DERA: variants seen among roughly 807,000 people sequenced by gnomAD.
DERA encodes 2-deoxy-D-ribose 5-phosphate aldolase.
Under a neutral mutation model 41.1 loss-of-function variants are expected in DERA, and 15 were observed. The ratio of observed to expected loss-of-function variants is 0.37; its 90% CI spans 0.24 to 0.56. DERA has a LOEUF of 0.56. Among genes scored for constraint, DERA ranks in the 20% least tolerant of loss-of-function variants. The pLI is 0.81. For synonymous variants in DERA, 139 were observed against 137.4 expected (o/e 1.01, Z -0.08); for missense variants, 396 against 403.4 (o/e 0.98, Z 0.16).
At position 16,020,099 on chromosome 12, in the gene DERA, C is replaced by A. The variant is rs1949008501; in HGVS notation, c.638-12443C>A. 6.6e-6 allele frequency among the ~76,000 whole-genome samples: 1 copy of A among 152,142 alleles called. No individual in the cohort carries two copies. Among genetic ancestry groups the A allele is most frequent in the Non-Finnish European group, 1.5e-5 (1 of 68,016 alleles). On this transcript the variant is annotated intron_variant, in intron 6 of 8. Coordinates refer to ENST00000428559, the MANE Select transcript of DERA (RefSeq NM_015954.4). This position sits in a 1 kb window ranked among gnomAD's most constrained non-coding sequence, Gnocchi z 5.5. ...CCCAGGAGCCTCTCTAGGAGCAGAT[C>A]CAAGCACCACACTTACTGTACAGTC... is the stretch of plus-strand genomic sequence containing the variant.
At chr12:15,923,258 G>A (rs1565584228) in intron 1 of DERA, among the ~76,000 whole-genome samples, 1 of 151,716 alleles carries the variant, frequency 6.6e-6, no homozygotes, top group African/African-American at 2.4e-5. Flanking sequence ...TCCTGACCTC[G>A]TGATCCGCCC....
intron 6 of DERA, among the ~76,000 whole-genome samples, chr12:16,024,460 T>G (rs1213261116): frequency 1.3e-5 from 2 of 152,190 alleles, no homozygotes; most frequent in African/African-American, 4.8e-5. Flanking sequence ...GACTTCTCAT[T>G]GGAAAACATG....
At position 16,019,425 on chromosome 12, in the gene DERA, T is replaced by C. The variant is rs1029659240; in HGVS notation, c.638-13117T>C. 1.2e-4 allele frequency among the ~76,000 whole-genome samples: 19 copies of C among 152,214 alleles called. 1 individual carries two copies. Among genetic ancestry groups the C allele is most frequent in the Admixed American group, 9.2e-4 (14 of 15,276 alleles). ...GATTTCATGTGATCAGACCTCACAT[T>C]ACCTAAAGAACAGAGCCCAATGTCT... On this transcript the variant is annotated intron_variant, in intron 6 of 8. Coordinates refer to ENST00000428559, the MANE Select transcript of DERA (RefSeq NM_015954.4). This position sits in a 1 kb window ranked among gnomAD's most constrained non-coding sequence, Gnocchi z 4.4.
rs908260668 is a variant in DERA at position 15,965,570 on chromosome 12, T to C, written c.508+2623T>C. Among the ~76,000 whole-genome samples the C allele has an allele frequency of 6.6e-6, 1 of 152,152 alleles. No homozygotes were observed. The highest frequency in any genetic ancestry group is 2.1e-4 in the South Asian group (1 of 4,828). On this transcript the variant is annotated intron_variant, in intron 5 of 8. Coordinates refer to ENST00000428559, the MANE Select transcript of DERA (RefSeq NM_015954.4). This position sits in a 1 kb window ranked among gnomAD's most constrained non-coding sequence, Gnocchi z 4.1. ...TCAGAGTGGTCTTAACCATTTCTCATGGATGTGAGAGTCCACAGTTTAGGG... is the reference window on the plus strand; with the variant it reads ...TCAGAGTGGTCTTAACCATTTCTCACGGATGTGAGAGTCCACAGTTTAGGG...
At chr12:15,958,458 G>T in intron 3 of DERA, 123 bp downstream of exon 3, 1 of 634,756 alleles carries the variant, frequency 1.6e-6, no homozygotes, top group Non-Finnish European at 2.4e-6. Flanking sequence ...AGAAACTCTT[G>T]CTGTGTATAC....
rs1555152729 is a variant in DERA, at chr12:15,960,207, T to TATATAC, written c.373+284_373+285insTATACA. 3.4e-3 allele frequency among the ~76,000 whole-genome samples: 497 copies of TATATAC among 145,538 alleles called. 3 individuals carry two copies. The highest frequency in any genetic ancestry group is 0.012 in the African/African-American group (474 of 39,858). ...GCATGACATATAGTATATATATATATACACACACACACACACACATATACA... is the reference window on the plus strand; with the variant it reads ...GCATGACATATAGTATATATATATATATATACACACACACACACACACACATATACA... On this transcript the variant is annotated intron_variant, in intron 4 of 8. Coordinates refer to ENST00000428559, the MANE Select transcript of DERA (RefSeq NM_015954.4).
rs1949134168 is a variant in DERA, at chr12:16,037,051, GA to G, written c.*312del. 2.8e-5 allele frequency: 8 copies of G among 286,602 alleles called. 1 individual carries two copies. In the South Asian group the frequency reaches 3.1e-4, roughly 11 times the overall value. The allele number at this position is 286,602 out of a possible 1,614,324, so 17.8% of individuals were successfully genotyped here. On this transcript the variant is annotated 3_prime_UTR_variant, in exon 9 of 9. Transcript: ENST00000428559. The surrounding 1 kb of genome is among the most constrained non-coding windows in gnomAD (Gnocchi z 6.7). ...TTTGATAACATCAAATTCTAAGGGA[GA>G]AAAAAACAATATTAAACCGCCCAAG...
At chr12:16,005,926 G>A (rs1483962729) in intron 6 of DERA, among the ~76,000 whole-genome samples, 1 of 152,124 alleles carries the variant, frequency 6.6e-6, no homozygotes, top group Non-Finnish European at 1.5e-5. Flanking sequence ...AGGTATAAGT[G>A]GTCAATTTTA....
chr12:16,011,964 G>A lies in DERA; in HGVS notation c.638-20578G>A, dbSNP rs1176979298. ...CTAAAAAACAGAGGATAATGTGATAGAGACAGATAAAGAATTTTTCTAAAT... is the reference window on the plus strand; with the variant it reads ...CTAAAAAACAGAGGATAATGTGATAAAGACAGATAAAGAATTTTTCTAAAT... On this transcript the variant is annotated intron_variant, in intron 6 of 8. Coordinates refer to ENST00000428559, the MANE Select transcript of DERA (RefSeq NM_015954.4). The surrounding 1 kb of genome is among the most constrained non-coding windows in gnomAD (Gnocchi z 4.7). Among the ~76,000 whole-genome samples the A allele has an allele frequency of 1.3e-5, 2 of 152,098 alleles. No homozygotes were observed. Among genetic ancestry groups the A allele is most frequent in the Non-Finnish European group, 2.9e-5 (2 of 68,020 alleles).
intron 1 of DERA, among the ~76,000 whole-genome samples, chr12:15,956,190 G>A (rs1428814568): frequency 6.6e-6 from 1 of 152,194 alleles, no homozygotes; most frequent in Admixed American, 6.5e-5. Flanking sequence ...TGTTAGCTCT[G>A]TCTGGGGAGC....
rs563489734 is a variant in DERA at position 15,980,798 on chromosome 12, G to A, written c.509-1510G>A. ...CTTTCTAAACTTACTGAGCATCTTG[G>A]AATAGAATATTTGCTTTCATTTCTC... is the stretch of plus-strand genomic sequence containing the variant. On this transcript the variant is annotated intron_variant, in intron 5 of 8. Coordinates refer to ENST00000428559, the MANE Select transcript of DERA (RefSeq NM_015954.4). Among the ~76,000 whole-genome samples the A allele has an allele frequency of 7.2e-5, 11 of 152,228 alleles. No individual in the cohort carries two copies. In the South Asian group the frequency reaches 8.3e-4, roughly 11 times the overall value.
In DERA at chr12:15,970,783, A is replaced by T. The variant is rs1458317642; in HGVS notation, c.508+7836A>T. Among the ~76,000 whole-genome samples, 1 of 152,232 alleles carries T rather than the reference A, an allele frequency of 6.6e-6. No homozygotes were observed. The highest frequency in any genetic ancestry group is 1.5e-5 in the Non-Finnish European group (1 of 68,034). On this transcript the variant is annotated intron_variant, in intron 5 of 8. Coordinates refer to ENST00000428559, the MANE Select transcript of DERA (RefSeq NM_015954.4). This position sits in a 1 kb window ranked among gnomAD's most constrained non-coding sequence, Gnocchi z 4.3. ...CATGTTGTTTTCAGAGGTTGACACC[A>T]AACTACCAAGTAGATATTTATCCTT...
At chr12:15,926,742 G>GAAAAAAAAAAAAAAAAAAAAA (rs71051274) in intron 1 of DERA, among the ~76,000 whole-genome samples, 2 of 120,484 alleles carry the variant, frequency 1.7e-5, no homozygotes, top group Non-Finnish European at 1.6e-5. Context: ...GTCTCAAAAA[G>GAAAAAAAAAAAAAAAAAAAAA]AAAAAAAAAA....
rs1436600942 is a variant in DERA, at chr12:16,012,808, C to T, written c.638-19734C>T. 6.6e-6 allele frequency among the ~76,000 whole-genome samples: 1 copy of T among 151,976 alleles called. No individual in the cohort carries two copies. The highest frequency in any genetic ancestry group is 1.5e-5 in the Non-Finnish European group (1 of 68,028). On this transcript the variant is annotated intron_variant, in intron 6 of 8. Coordinates refer to ENST00000428559, the MANE Select transcript of DERA (RefSeq NM_015954.4). The surrounding 1 kb of genome is among the most constrained non-coding windows in gnomAD (Gnocchi z 4.1). The stretch of plus-strand genomic sequence containing the variant: ...ATTTAATTTAAAAATTTTTAATAAC[C>T]ACATTAATTAAATGAAGAGAAACAG...
In DERA at chr12:16,020,478, A is replaced by G. The variant is rs183125610; in HGVS notation, c.638-12064A>G. ...GACACAGACCTAAACCATATCACTC[A>G]GCCTCAGATATTCCTTTGTAGCAAT... is the stretch of plus-strand genomic sequence containing the variant. On this transcript the variant is annotated intron_variant, in intron 6 of 8. Coordinates refer to ENST00000428559, the MANE Select transcript of DERA (RefSeq NM_015954.4). This position sits in a 1 kb window ranked among gnomAD's most constrained non-coding sequence, Gnocchi z 5.5. Among the ~76,000 whole-genome samples, 1 of 152,340 alleles carries G rather than the reference A, an allele frequency of 6.6e-6. No homozygotes were observed. Among genetic ancestry groups the G allele is most frequent in the African/African-American group, 2.4e-5 (1 of 41,580 alleles).
intron 1 of DERA, among the ~76,000 whole-genome samples, chr12:15,949,939 G>A (rs1312839669): frequency 6.6e-6 from 1 of 152,146 alleles, no homozygotes; most frequent in Non-Finnish European, 1.5e-5. Context: ...TGGAAAATAT[G>A]TTACTATATG....
chr12:15,930,787 G>A (rs570737037), intron 1 of DERA, among the ~76,000 whole-genome samples: 1 of 152,186 alleles, frequency 6.6e-6, no homozygotes, highest in South Asian at 2.1e-4. Flanking sequence ...TTCATAGTTT[G>A]TATGAAAAGT....
intron 1 of DERA, among the ~76,000 whole-genome samples, chr12:15,939,049 C>T (rs985660826): frequency 2.0e-5 from 3 of 152,156 alleles, no homozygotes; most frequent in African/African-American, 7.2e-5. Context: ...AGAAGTGTTG[C>T]TCTACAGCTG....
Position 15,989,842 on chromosome 12 carries a change from A to G in DERA, c.637+7406A>G, listed in dbSNP as rs1400836920. ...CATTGTAAGTAAAATTGTGTTAAAC[A>G]ACTTTGGTCAACTAAATGTTAGTAG... On this transcript the variant is annotated intron_variant, in intron 6 of 8. Coordinates refer to ENST00000428559, the MANE Select transcript of DERA (RefSeq NM_015954.4). This position sits in a 1 kb window ranked among gnomAD's most constrained non-coding sequence, Gnocchi z 5.2. 6.6e-6 allele frequency among the ~76,000 whole-genome samples: 1 copy of G among 152,212 alleles called. No individual in the cohort carries two copies. Among genetic ancestry groups the G allele is most frequent in the African/African-American group, 2.4e-5 (1 of 41,448 alleles).
Sources: allele counts gnomAD v4.1 joint callset (sites outside exome capture counted in the v4.1 genomes callset), GRCh38; gene constraint gnomAD v4.1.1; non-coding constraint Gnocchi (gnomAD v3.1); transcripts MANE v1.5; gene names NCBI Gene and HGNC (gene_info 2026-07-23, HGNC 2026-07-21).